The following ELMO1 variants were observed in gnomAD, a reference collection of about 807,000 sequenced individuals.
The protein encoded by ELMO1 is engulfment and cell motility protein 1.
In ELMO1, 26 loss-of-function variants were observed where a neutral mutation model predicts 98.9. The observed-to-expected ratio is 0.26, with a 90% CI of 0.19 to 0.36. ELMO1 has a LOEUF of 0.36. Ranked by LOEUF, ELMO1 falls within the 10% of genes least tolerant of loss-of-function variation. The probability of loss-of-function intolerance (pLI) is 1.00; values close to 1 mark genes in which losing one functional copy is unlikely to be tolerated. For missense variants in ELMO1, 627 were observed against 935.2 expected, an observed-to-expected ratio of 0.67 and a Z score of 4.30; for synonymous variants, 346 against 346.0, an observed-to-expected ratio of 1.00 and a Z score of 0.00.
intron 1 of ELMO1, among the ~76,000 whole-genome samples, chr7:37,398,761 C>T (rs1803402741): frequency 6.6e-6 from 1 of 152,186 alleles, no homozygotes; most frequent in Non-Finnish European, 1.5e-5. Flanking sequence ...GCTGGGGCAG[C>T]ACTTTGACCC....
At chr7:37,181,117 TAAC>T (rs1790836703) in intron 13 of ELMO1, among the ~76,000 whole-genome samples, 3 of 152,266 alleles carry the variant, frequency 2.0e-5, no homozygotes, top group Admixed American at 1.3e-4. Flanking sequence ...ATAAAAATAA[TAAC>T]GACAGTCCCA....
At chr7:37,080,033 T>A (rs981949906) in intron 15 of ELMO1, among the ~76,000 whole-genome samples, 7 of 152,174 alleles carry the variant, frequency 4.6e-5, no homozygotes, top group Admixed American at 2.0e-4. Flanking sequence ...GAACTCCTAA[T>A]CTTCTATGCC....
chr7:37,200,577 A>G (rs1792231223), intron 13 of ELMO1, among the ~76,000 whole-genome samples: 1 of 152,158 alleles, frequency 6.6e-6, no homozygotes, highest in African/African-American at 2.4e-5. Flanking sequence ...CCACCTGCCA[A>G]TCAGTGAAGT....
At chr7:37,060,933 C>A (rs1356054116) in intron 15 of ELMO1, among the ~76,000 whole-genome samples, 3 of 152,088 alleles carry the variant, frequency 2.0e-5, no homozygotes, top group Non-Finnish European at 4.4e-5. Context: ...CACAGAGGCT[C>A]CTACACTAAG....
chr7:37,101,488 G>A (rs765314844), intron 14 of ELMO1, among the ~76,000 whole-genome samples: 8 of 152,160 alleles, frequency 5.3e-5, no homozygotes, highest in Non-Finnish European at 8.8e-5. Flanking sequence ...AAATAGGGGA[G>A]GGGGAGTTTA....
chr7:37,325,130 A>T (rs1395377273), intron 2 of ELMO1, among the ~76,000 whole-genome samples: 1 of 152,222 alleles, frequency 6.6e-6, no homozygotes, highest in African/African-American at 2.4e-5. Context: ...TGGTTAAAGA[A>T]ATTGAGTGAA....
intron 16 of ELMO1, among the ~76,000 whole-genome samples, chr7:36,934,245 C>CA (rs1240420863): frequency 6.6e-6 from 1 of 152,210 alleles, no homozygotes; most frequent in Non-Finnish European, 1.5e-5. Context: ...GCCCTTCCCA[C>CA]AACCAAGACA....
intron 15 of ELMO1, among the ~76,000 whole-genome samples, chr7:37,066,677 ATGGATATGC>A (rs1440134880): frequency 1.3e-5 from 2 of 152,246 alleles, no homozygotes; most frequent in Admixed American, 6.5e-5. Flanking sequence ...GACTGAGATG[ATGGATATGC>A]TAATTATCCT....
rs372867589 is a variant in ELMO1, at chr7:37,370,889, C to T, written c.-73-28126G>A. 1.2e-4 allele frequency among the ~76,000 whole-genome samples: 18 copies of T among 152,232 alleles called. 1 individual carries two copies. The South Asian group carries it at 3.7e-3, about 32-fold the overall frequency. ...TAAAATTTTAGGTGTGTGTAGCCTT[C>T]AACACAGCATCTCCTCTCCTGGGGT... On this transcript the variant is annotated intron_variant, in intron 1 of 21. Transcript: ENST00000310758.
intron 15 of ELMO1, among the ~76,000 whole-genome samples, chr7:37,052,292 T>C (rs1796149891): frequency 6.6e-6 from 1 of 152,240 alleles, no homozygotes; most frequent in Non-Finnish European, 1.5e-5. Flanking sequence ...CCTGTTGTCA[T>C]TTGGTGACAT....
intron 15 of ELMO1, among the ~76,000 whole-genome samples, chr7:37,019,476 G>A (rs554375348): frequency 1.2e-4 from 19 of 152,302 alleles, no homozygotes; most frequent in Non-Finnish European, 1.9e-4. Flanking sequence ...GGGCCAACAC[G>A]GTGGCCATGT....
intron 8 of ELMO1, among the ~76,000 whole-genome samples, chr7:37,230,271 G>A (rs916135859): frequency 5.9e-5 from 9 of 152,150 alleles, no homozygotes; most frequent in African/African-American, 1.9e-4. Context: ...AAAATTCACC[G>A]AAATGTGACA....
intron 1 of ELMO1, among the ~76,000 whole-genome samples, chr7:37,372,397 T>G (rs1583642231): frequency 6.6e-6 from 1 of 152,130 alleles, no homozygotes; most frequent in Non-Finnish European, 1.5e-5. Flanking sequence ...GGAATAATAC[T>G]GCTATAACTC....
intron 1 of ELMO1, among the ~76,000 whole-genome samples, chr7:37,421,789 T>C (rs1804483796): frequency 6.6e-6 from 1 of 152,186 alleles, no homozygotes; most frequent in South Asian, 2.1e-4. Flanking sequence ...AGCCATGCAT[T>C]ATAGACTTCG....
intron 16 of ELMO1, among the ~76,000 whole-genome samples, chr7:36,968,873 A>T (rs553865210): frequency 2.0e-5 from 3 of 152,118 alleles, no homozygotes; most frequent in Non-Finnish European, 4.4e-5. Context: ...AATTAAAAAA[A>T]ATAATTTTGG....
intron 1 of ELMO1, chr7:37,375,831 G>A (rs1398195226): frequency 1.3e-6 from 1 of 785,656 alleles, no homozygotes; most frequent in African/African-American, 1.7e-5. Context: ...AGACTGGCAG[G>A]CCTCGGCCTA....
At chr7:37,063,009 C>A (rs1400514813) in intron 15 of ELMO1, among the ~76,000 whole-genome samples, 1 of 152,200 alleles carries the variant, frequency 6.6e-6, no homozygotes, top group Non-Finnish European at 1.5e-5. Flanking sequence ...CACAGCTCCC[C>A]TACACATGCA....
chr7:36,974,465 C>T (rs1432977505), intron 16 of ELMO1, among the ~76,000 whole-genome samples: 1 of 152,158 alleles, frequency 6.6e-6, no homozygotes, highest in Non-Finnish European at 1.5e-5. Flanking sequence ...ATGCACCAAT[C>T]GACACTCTGT....
chr7:37,418,452 C>G (rs1804324977), intron 1 of ELMO1, among the ~76,000 whole-genome samples: 1 of 152,176 alleles, frequency 6.6e-6, no homozygotes. Context: ...AGTGCAATAT[C>G]TGGTGGCCTG....
Sources: gnomAD v4.1 joint callset for allele counts (sites outside exome capture counted in the v4.1 genomes callset) on GRCh38, gnomAD v4.1.1 for gene constraint, MANE v1.5 for transcripts, NCBI Gene and HGNC (gene_info 2026-07-23, HGNC 2026-07-21) for gene names.